Variants in CACNA2D4 observed in about 807,000 individuals in gnomAD.
The protein encoded by CACNA2D4 is voltage-dependent calcium channel subunit alpha-2/delta-4.
A neutral mutation model predicts 163.8 loss-of-function variants in CACNA2D4; 157 were observed. The observed-to-expected ratio is 0.96, with a 90% confidence interval of 0.84 to 1.09. CACNA2D4 has a LOEUF of 1.09. CACNA2D4 is among the 50% of genes least tolerant of loss of function. The pLI, the probability that CACNA2D4 is intolerant of heterozygous loss-of-function variation, is 0.00. For synonymous variants in CACNA2D4, 598 were observed against 586.9 expected, an observed-to-expected ratio of 1.02 and a Z score of -0.27; for missense variants, 1,410 against 1,479.9, an observed-to-expected ratio of 0.95 and a Z score of 0.78.
intron 6 of CACNA2D4, among the ~76,000 whole-genome samples, chr12:1,899,520 ACAAATAAATT>A (rs1323175792): frequency 2.0e-5 from 3 of 152,162 alleles, no homozygotes; most frequent in Non-Finnish European, 4.4e-5. Context: ...ATAGATTCAT[ACAAATAAATT>A]TGAAAAGTCA....
At chr12:1,847,031 C>T (rs1865160872) in intron 23 of CACNA2D4, among the ~76,000 whole-genome samples, 1 of 152,196 alleles carries the variant, frequency 6.6e-6, no homozygotes. Flanking sequence ...TGTCCTGGGA[C>T]CTAAGGAACA....
At position 1,875,173 on chromosome 12, in the gene CACNA2D4, C is replaced by T. The variant is rs2154449281; in HGVS notation, c.1806+78G>A. The T allele has an allele frequency of 9.9e-7, 1 of 1,014,004 alleles. No homozygotes were observed. Among genetic ancestry groups the T allele is most frequent in the Non-Finnish European group, 1.6e-6 (1 of 638,416 alleles). The allele number at this position is 1,014,004 out of a possible 1,614,324, so 62.8% of individuals were successfully genotyped here. ...TGACAGGAACAGAGTGACCTCAAAG[C>T]TCACAGCCACACAGCTGACCCATTT... is the stretch of plus-strand genomic sequence containing the variant. On this transcript the variant is annotated intron_variant, in intron 17 of 37. Transcript: ENST00000382722. This position sits in a 1 kb window ranked among gnomAD's most constrained non-coding sequence, Gnocchi z 4.0.
chr12:1,894,705 C>T (rs1300615971), intron 6 of CACNA2D4, among the ~76,000 whole-genome samples: 5 of 152,028 alleles, frequency 3.3e-5, no homozygotes, highest in Non-Finnish European at 4.4e-5. Context: ...ATTAGAAACT[C>T]GCAGCAAACT....
At chr12:1,888,562 G>T (rs1990233) in intron 6 of CACNA2D4, among the ~76,000 whole-genome samples, 74,375 of 151,986 alleles carry the variant, frequency 0.49, 20,978 homozygotes, top group Non-Finnish European at 0.62. Context: ...ATAATACAAA[G>T]AACATACAAG....
At chr12:1,911,287 C>G (rs1380803709) in intron 3 of CACNA2D4, among the ~76,000 whole-genome samples, 1 of 152,054 alleles carries the variant, frequency 6.6e-6, no homozygotes, top group Non-Finnish European at 1.5e-5. Context: ...TCCCAAAGTG[C>G]CTTCCACGTG....
chr12:1,854,984 C>CT (rs397966601), intron 22 of CACNA2D4, among the ~76,000 whole-genome samples: 199 of 152,210 alleles, frequency 1.3e-3, no homozygotes, highest in Middle Eastern at 0.01. Context: ...TATCACCCCC[C>CT]AAAGGAGATC....
rs1388042864 is a variant in CACNA2D4 at position 1,875,143 on chromosome 12, C to T, written c.1806+108G>A. ...GGAAAGGCTCTGGGATGAACCTGTTCTGCCTGACAGGAACAGAGTGACCTC... is the reference window on the plus strand; with the variant it reads ...GGAAAGGCTCTGGGATGAACCTGTTTTGCCTGACAGGAACAGAGTGACCTC... On this transcript the variant is annotated intron_variant, in intron 17 of 37. Coordinates refer to ENST00000382722, the MANE Select transcript of CACNA2D4 (RefSeq NM_172364.5). This position sits in a 1 kb window ranked among gnomAD's most constrained non-coding sequence, Gnocchi z 4.0. 9.0e-6 allele frequency: 7 copies of T among 776,838 alleles called. No individual in the cohort carries two copies. The highest frequency in any genetic ancestry group is 2.5e-5 in the East Asian group (1 of 40,592). The allele number at this position is 776,838 out of a possible 1,614,324, so 48.1% of individuals were successfully genotyped here. A position where few individuals can be genotyped will look rare whatever the true frequency, so the allele number is the denominator to read the frequency against.
chr12:1,885,197 G>C (rs60708075), intron 9 of CACNA2D4, 121 bp from the exon 10 acceptor site: 86,728 of 792,918 alleles, frequency 0.11, 5,538 homozygotes, highest in African/African-American at 0.23. Context: ...TTCAGGGCCT[G>C]TGTCTCCATG....
intron 6 of CACNA2D4, among the ~76,000 whole-genome samples, chr12:1,891,284 C>A (rs1163093554): frequency 6.6e-6 from 1 of 152,194 alleles, no homozygotes; most frequent in African/African-American, 2.4e-5. Context: ...ACTAACAATG[C>A]CACCCTAAGC....
At chr12:1,831,385 C>T (rs758062944) in intron 26 of CACNA2D4, 2 of 1,613,920 alleles carry the variant, frequency 1.2e-6, no homozygotes, top group East Asian at 2.2e-5. Flanking sequence ...TCGCTTCGCT[C>T]CAACCGTCTG....
chr12:1,871,188 TTGC>T (rs959242553), intron 18 of CACNA2D4, among the ~76,000 whole-genome samples: 2 of 148,540 alleles, frequency 1.3e-5, no homozygotes, highest in African/African-American at 5.0e-5. Flanking sequence ...TGTACACGTG[TTGC>T]TGGTGTGTGT....
At position 1,843,110 on chromosome 12, in the gene CACNA2D4, C is replaced by T. The variant is rs1001301687; in HGVS notation, c.2470+1292G>A. On this transcript the variant is annotated intron_variant, in intron 25 of 37. Coordinates refer to ENST00000382722, the MANE Select transcript of CACNA2D4 (RefSeq NM_172364.5). The surrounding 1 kb of genome is among the most constrained non-coding windows in gnomAD (Gnocchi z 4.6). Reference sequence around the variant, plus strand: ...GGTTGTCTAGATTAAATGAAAAACACGTGGAAAATTGTTTTGTGAAGCATA... The same window carrying T: ...GGTTGTCTAGATTAAATGAAAAACATGTGGAAAATTGTTTTGTGAAGCATA... 3.3e-5 allele frequency among the ~76,000 whole-genome samples: 5 copies of T among 152,252 alleles called. No individual in the cohort carries two copies. The highest frequency in any genetic ancestry group is 9.6e-5 in the African/African-American group (4 of 41,552).
chr12:1,877,186 C>T (rs1409132982), intron 16 of CACNA2D4, among the ~76,000 whole-genome samples: 2 of 152,182 alleles, frequency 1.3e-5, no homozygotes, highest in Admixed American at 1.3e-4. Context: ...AGGTCAGGCA[C>T]GAGGAGGCCC....
intron 37 of CACNA2D4, 146 bp from the exon 38 acceptor site, chr12:1,793,905 C>T: frequency 1.6e-6 from 1 of 644,720 alleles, no homozygotes; most frequent in Non-Finnish European, 2.7e-6. Flanking sequence ...CTCTTAGGCC[C>T]CTACCTTTTG....
At chr12:1,908,102 G>C in intron 4 of CACNA2D4, 65 bp from the exon 5 acceptor site, 1 of 1,515,210 alleles carries the variant, frequency 6.6e-7, no homozygotes. Context: ...GAGAGAGGAA[G>C]AGAAACGGCG....
At chr12:1,860,274 C>A in intron 18 of CACNA2D4, 68 bp from the exon 19 acceptor site, 1 of 1,237,828 alleles carries the variant, frequency 8.1e-7, no homozygotes, top group Non-Finnish European at 1.2e-6. Context: ...ACCTCGCCCC[C>A]AGGGCTCTTG....
Position 1,907,905 on chromosome 12 carries a change from C to T in CACNA2D4, c.619G>A (p.Val207Met), listed in dbSNP as rs373314376. The change falls in exon 5 of 38, where the codon GTG (valine) becomes ATG (methionine). Residue 207 changes from valine to methionine, a missense_variant. Val to Met is a conservative substitution (Grantham distance 21, BLOSUM62 1). Coordinates refer to ENST00000382722, the MANE Select transcript of CACNA2D4 (RefSeq NM_172364.5). ...NLPVNTSISS[V>M]QLPTNVYNKD... The stretch of plus-strand genomic sequence containing the variant: ...TTGTACACGTTGGTGGGCAGCTGCA[C>T]GCTGCTGATGGAGGTGTTCACCGGC... 1 of 1,614,046 alleles carries T rather than the reference C, an allele frequency of 6.2e-7. No homozygotes were observed. The highest frequency in any genetic ancestry group is 8.5e-7 in the Non-Finnish European group (1 of 1,179,896).
rs1188278475 is a variant in CACNA2D4 at position 1,828,230 on chromosome 12, G to T, written c.2551+12509C>A. ...GCAAGTCTCCTGTGAGTACACCCCTGGCCTCGGAGGGGGGTGCGGGTTGGG... is the reference window on the plus strand; with the variant it reads ...GCAAGTCTCCTGTGAGTACACCCCTTGCCTCGGAGGGGGGTGCGGGTTGGG... On this transcript the variant is annotated intron_variant, in intron 26 of 37. Transcript: ENST00000382722. The surrounding 1 kb of genome is among the most constrained non-coding windows in gnomAD (Gnocchi z 4.2). The T allele has an allele frequency of 6.6e-7, 1 of 1,511,994 alleles. No homozygotes were observed. 93.7% of individuals were successfully genotyped at this position (1,511,994 alleles called of 1,614,324 possible).
intron 4 of CACNA2D4, 114 bp downstream of exon 4, chr12:1,909,792 T>A (rs1393304307): frequency 2.4e-6 from 2 of 819,286 alleles, no homozygotes; most frequent in Admixed American, 2.1e-5. Context: ...GAGCAGTAAA[T>A]GTCTATGGAA....
Sources: gnomAD v4.1 joint callset for allele counts (sites outside exome capture counted in the v4.1 genomes callset) on GRCh38, gnomAD v4.1.1 for gene constraint, Gnocchi (gnomAD v3.1) non-coding constraint, MANE v1.5 for transcripts, NCBI Gene and HGNC (gene_info 2026-07-23, HGNC 2026-07-21) for gene names.